Variants in LRRTM4 observed in about 807,000 individuals in gnomAD.
LRRTM4 encodes the protein leucine rich repeat transmembrane neuronal 4.
LRRTM4 carries 25 observed loss-of-function variants against 47.6 expected under a neutral mutation model. The observed-to-expected ratio is 0.53, with a 90% confidence interval of 0.38 to 0.73. LRRTM4 has a LOEUF of 0.73. Among genes scored for constraint, LRRTM4 ranks in the 30% least tolerant of loss-of-function variants. The pLI is 0.00. For synonymous variants in LRRTM4, 311 were observed against 269.5 expected (o/e 1.15, Z -1.51); for missense variants, 638 against 713.4 (o/e 0.89, Z 1.20).
chr2:77,169,021 T>C (rs1672969390), intron 3 of LRRTM4, among the ~76,000 whole-genome samples: 1 of 152,116 alleles, frequency 6.6e-6, no homozygotes, highest in African/African-American at 2.4e-5. Flanking sequence ...TTGATATAAT[T>C]CAATATCCTT....
chr2:76,916,475 T>A (rs1573309687), intron 3 of LRRTM4, among the ~76,000 whole-genome samples: 1 of 152,048 alleles, frequency 6.6e-6, no homozygotes, highest in Non-Finnish European at 1.5e-5. Flanking sequence ...ATGTCCATGC[T>A]TTTTAAGTTA....
At chr2:77,360,579 TAC>T (rs1672172047) in intron 3 of LRRTM4, among the ~76,000 whole-genome samples, 1 of 151,726 alleles carries the variant, frequency 6.6e-6, no homozygotes, top group African/African-American at 2.4e-5. Flanking sequence ...CATACATACA[TAC>T]ATACATACAT....
chr2:77,191,317 C>A (rs1014941607), intron 3 of LRRTM4, among the ~76,000 whole-genome samples: 1 of 151,744 alleles, frequency 6.6e-6, no homozygotes, highest in Admixed American at 6.6e-5. Flanking sequence ...GCTAATAAAT[C>A]AAAAATAACA....
intron 3 of LRRTM4, among the ~76,000 whole-genome samples, chr2:77,503,450 G>A (rs1267062910): frequency 6.6e-6 from 1 of 151,666 alleles, no homozygotes; most frequent in Non-Finnish European, 1.5e-5. Context: ...CTTACTTTTG[G>A]AAATGACTTT....
chr2:77,218,007 A>G (rs1674507625), intron 3 of LRRTM4, among the ~76,000 whole-genome samples: 1 of 151,992 alleles, frequency 6.6e-6, no homozygotes. Flanking sequence ...TTTTTTTGAG[A>G]CAGAGTTTCA....
chr2:76,796,160 G>T, intron 3 of LRRTM4, among the ~76,000 whole-genome samples: 1 of 144,212 alleles, frequency 6.9e-6, no homozygotes, highest in Non-Finnish European at 1.5e-5. Context: ...TGGCTCGCAG[G>T]GTCCTACGCC....
At chr2:77,468,198 G>A (rs982580489) in intron 3 of LRRTM4, among the ~76,000 whole-genome samples, 4 of 151,994 alleles carry the variant, frequency 2.6e-5, no homozygotes, top group African/African-American at 9.7e-5. Context: ...AGAGAATGAC[G>A]TCTTCATCAA....
chr2:76,835,509 T>A (rs551121331), intron 3 of LRRTM4, among the ~76,000 whole-genome samples: 13 of 152,216 alleles, frequency 8.5e-5, no homozygotes, highest in African/African-American at 3.1e-4. Flanking sequence ...GACTAAGAAA[T>A]GTCATTTATA....
intron 3 of LRRTM4, among the ~76,000 whole-genome samples, chr2:77,069,906 C>A (rs1380529795): frequency 1.3e-5 from 2 of 152,182 alleles, no homozygotes; most frequent in African/African-American, 4.8e-5. Context: ...CAGGCAGCTG[C>A]AAAGTTGAAA....
chr2:77,212,474 TAGAGAGAG>T (rs35907246), intron 3 of LRRTM4, among the ~76,000 whole-genome samples: 2 of 136,956 alleles, frequency 1.5e-5, no homozygotes, highest in African/African-American at 5.4e-5. Context: ...TATATATATA[TAGAGAGAG>T]AGAGAGAGAG....
intron 3 of LRRTM4, among the ~76,000 whole-genome samples, chr2:77,108,077 T>G (rs1309711759): frequency 1.3e-5 from 2 of 151,618 alleles, no homozygotes; most frequent in East Asian, 3.9e-4. Flanking sequence ...AAACAACCAG[T>G]AAGTGAACCC....
intron 3 of LRRTM4, among the ~76,000 whole-genome samples, chr2:76,753,262 A>G (rs1449232563): frequency 6.6e-6 from 1 of 152,190 alleles, no homozygotes; most frequent in East Asian, 1.9e-4. Flanking sequence ...TATAAATTTC[A>G]GAAGATGCTG....
rs1674282559 is a variant in LRRTM4 at position 77,211,152 on chromosome 2, G to A, written c.1551+307166C>T. On this transcript the variant is annotated intron_variant, in intron 3 of 3. Transcript: ENST00000409884. Reference sequence around the variant, plus strand: ...CTAAACACTAGGAAAGGGGAGGAGGGCAATGAAATTATAAGCAACTATAGA... The same window carrying A: ...CTAAACACTAGGAAAGGGGAGGAGGACAATGAAATTATAAGCAACTATAGA... Among the ~76,000 whole-genome samples the A allele has an allele frequency of 6.6e-5, 10 of 152,232 alleles. 1 individual carries two copies. The South Asian group carries it at 2.1e-3, about 32-fold the overall frequency.
At chr2:76,760,034 G>A (rs559942016) in intron 3 of LRRTM4, among the ~76,000 whole-genome samples, 1 of 152,148 alleles carries the variant, frequency 6.6e-6, no homozygotes, top group Non-Finnish European at 1.5e-5. Context: ...GCTGTGTGTA[G>A]AATGCTTCAA....
intron 3 of LRRTM4, among the ~76,000 whole-genome samples, chr2:77,050,846 G>C (rs1016365299): frequency 6.6e-6 from 1 of 152,036 alleles, no homozygotes; most frequent in African/African-American, 2.4e-5. Context: ...GAAATTATCA[G>C]CCAGAGTAAG....
rs187361111 is a variant in LRRTM4, at chr2:76,935,533, G to C, written c.1552-186617C>G. On this transcript the variant is annotated intron_variant, in intron 3 of 3. Coordinates refer to ENST00000409884, the MANE Select transcript of LRRTM4 (RefSeq NM_001134745.3). ...GTGTCCTCTTTTATTTCCTTGAGCA[G>C]TGGTTTGTAGTTCTCCTTGAAAAGG... 9.1e-4 allele frequency among the ~76,000 whole-genome samples: 139 copies of C among 152,228 alleles called. 3 individuals carry two copies. The East Asian group carries it at 0.025, about 27-fold the overall frequency.
intron 3 of LRRTM4, chr2:77,517,960 A>C (rs1016811987): frequency 2.9e-6 from 3 of 1,017,112 alleles, no homozygotes; most frequent in Non-Finnish European, 3.5e-6. Context: ...CTCCATTACA[A>C]CAGTCAAACA....
At chr2:76,964,934 A>C (rs1675975752) in intron 3 of LRRTM4, among the ~76,000 whole-genome samples, 1 of 150,964 alleles carries the variant, frequency 6.6e-6, no homozygotes, top group South Asian at 2.1e-4. Context: ...CACAAATTTA[A>C]TAATTTAGGT....
At chr2:76,961,084 C>A in intron 3 of LRRTM4, among the ~76,000 whole-genome samples, 1 of 151,210 alleles carries the variant, frequency 6.6e-6, no homozygotes, top group South Asian at 2.1e-4. Context: ...AACTCATTAT[C>A]TACTTTCATT....
Sources: gnomAD v4.1 joint callset for allele counts (sites outside exome capture counted in the v4.1 genomes callset) on GRCh38, gnomAD v4.1.1 for gene constraint, MANE v1.5 for transcripts, NCBI Gene and HGNC (gene_info 2026-07-23, HGNC 2026-07-21) for gene names.